Variants in SYNE1 observed in about 807,000 individuals in gnomAD.
The protein encoded by SYNE1 is spectrin repeat containing nuclear envelope protein 1.
In SYNE1, 616 loss-of-function variants were observed where a neutral mutation model predicts 1,111.0. The observed-to-expected ratio is 0.55, with a 90% CI of 0.52 to 0.59. SYNE1 has a LOEUF of 0.59. Among genes scored for constraint, SYNE1 ranks in the 20% least tolerant of loss-of-function variants. The pLI, the probability that SYNE1 is intolerant of heterozygous loss-of-function variation, is 0.00. For synonymous variants in SYNE1, 3,855 were observed against 3,825.8 expected, an observed-to-expected ratio of 1.01 and a Z score of -0.28; for missense variants, 10,006 against 10,417.0, an observed-to-expected ratio of 0.96 and a Z score of 1.72.
chr6:152,411,080 T>G (rs2098028032), intron 42 of SYNE1, among the ~76,000 whole-genome samples: 1 of 152,226 alleles, frequency 6.6e-6, no homozygotes, highest in Admixed American at 6.5e-5. Context: ...GTTTAATAGG[T>G]CTTTGTACAT....
chr6:152,625,396 T>A (rs1744369), intron 3 of SYNE1, among the ~76,000 whole-genome samples: 102,524 of 151,774 alleles, frequency 0.68, 34,705 homozygotes, highest in Non-Finnish European at 0.7. Flanking sequence ...ATTTGTGAAG[T>A]CACACTCGCC....
intron 91 of SYNE1, among the ~76,000 whole-genome samples, chr6:152,307,833 C>CTTGTTTGT (rs78506348): frequency 4.6e-5 from 7 of 151,558 alleles, no homozygotes; most frequent in South Asian, 4.2e-4. Context: ...AATATTAAGT[C>CTTGTTTGT]TTGTTTGTTT....
chr6:152,417,991 C>A (rs542347644), intron 40 of SYNE1, among the ~76,000 whole-genome samples: 1 of 152,194 alleles, frequency 6.6e-6, no homozygotes, highest in African/African-American at 2.4e-5. Flanking sequence ...TGTTTAAAAT[C>A]TAGCAGAAAA....
At chr6:152,271,583 T>G (rs1312903178) in intron 98 of SYNE1, among the ~76,000 whole-genome samples, 1 of 152,200 alleles carries the variant, frequency 6.6e-6, no homozygotes, top group Non-Finnish European at 1.5e-5. Context: ...AGATGGGAAG[T>G]TTGGGTGGAT....
Position 152,149,504 on chromosome 6 carries a change from T to G in SYNE1, c.24615A>C (p.Arg8205Ser). The part of the protein sequence containing the change: ...YCQEVFGRVE[R>S]YHKKLIRLPL... ...GCAGGCGGATCAGTTTCTTATGGTA[T>G]CTTTCCACACGCCCGAAGACCTCCT... Residue 8205 changes from arginine (R) to serine (S), a missense_variant, in exon 136 of 146, where the codon AGA (arginine) becomes AGC (serine). Arg to Ser is a moderately radical substitution (Grantham distance 110). Coordinates refer to ENST00000367255, the MANE Select transcript of SYNE1 (RefSeq NM_182961.4). The G allele has an allele frequency of 1.2e-6, 2 of 1,614,198 alleles. No individual in the cohort carries two copies. Among genetic ancestry groups the G allele is most frequent in the Non-Finnish European group, 1.7e-6 (2 of 1,180,042 alleles).
intron 81 of SYNE1, among the ~76,000 whole-genome samples, chr6:152,324,629 A>G (rs1056055274): frequency 6.6e-6 from 1 of 151,604 alleles, no homozygotes; most frequent in Non-Finnish European, 1.5e-5. Context: ...CTCGTCTCTA[A>G]TAAAAATACA....
intron 2 of SYNE1, among the ~76,000 whole-genome samples, chr6:152,629,549 A>AGGGGGGGGGG (rs1565300223): frequency 7.5e-5 from 1 of 13,330 alleles, no homozygotes. Flanking sequence ...GGGGGAGGGG[A>AGGGGGGGGGG]GGAGGGGGTG....
At chr6:152,182,684 C>T (rs980105101) in intron 128 of SYNE1, among the ~76,000 whole-genome samples, 2 of 152,098 alleles carry the variant, frequency 1.3e-5, no homozygotes, top group African/African-American at 4.8e-5. Context: ...AGACAGATAA[C>T]ACAAAACTAA....
chr6:152,350,520 C>T (rs1184115053), intron 71 of SYNE1, 98 bp downstream of exon 71: 3 of 1,548,514 alleles, frequency 1.9e-6, no homozygotes, highest in Admixed American at 1.7e-5. Flanking sequence ...AAAATACTAA[C>T]CCGTACCAGG....
At chr6:152,257,316 T>C (rs1022520134) in intron 101 of SYNE1, among the ~76,000 whole-genome samples, 2 of 152,200 alleles carry the variant, frequency 1.3e-5, no homozygotes, top group Admixed American at 6.5e-5. Flanking sequence ...GCAGATCATT[T>C]GAGGCCAGGA....
rs749543411 is a variant in SYNE1 at position 152,133,461 on chromosome 6, G to A, written c.25816C>T (p.Gln8606Ter). Reference protein sequence around the residue: ...MQIKHELLESQLRVASLQDMS... With the variant: ...MQIKHELLES ...TCTTGCAAAGAGGCTACTCTGAGTTGGGATTCCAACAGCTCATGCTTTATT... is the reference window on the plus strand; with the variant it reads ...TCTTGCAAAGAGGCTACTCTGAGTTAGGATTCCAACAGCTCATGCTTTATT... The change falls in exon 143 of 146, where the codon CAA becomes TAA. Residue 8606 changes from glutamine to a stop codon, truncating the protein, a stop_gained. Transcript: ENST00000367255. LOFTEE classifies it high-confidence loss of function. 1.2e-6 allele frequency: 2 copies of A among 1,614,162 alleles called. No individual in the cohort carries two copies. Among genetic ancestry groups the A allele is most frequent in the Admixed American group, 1.7e-5 (1 of 60,030 alleles).
chr6:152,307,447 T>C (rs2153829778), intron 91 of SYNE1, among the ~76,000 whole-genome samples: 1 of 152,292 alleles, frequency 6.6e-6, no homozygotes, highest in Middle Eastern at 3.4e-3. Context: ...GAAGGATATA[T>C]TCCATATACT....
chr6:152,628,693 T>C (rs1291691282), intron 2 of SYNE1, 139 bp from the exon 3 acceptor site: 5 of 241,814 alleles, frequency 2.1e-5, no homozygotes, highest in South Asian at 7.3e-5. Context: ...AAAGCACTTA[T>C]AAACTACAAA....
chr6:152,335,442 T>G (rs2096363445), intron 76 of SYNE1: 1 of 152,208 alleles, frequency 6.6e-6, no homozygotes, highest in Non-Finnish European at 1.5e-5. Context: ...AAAACTTTTC[T>G]TATAAAATAC....
intron 32 of SYNE1, among the ~76,000 whole-genome samples, chr6:152,439,144 T>A (rs868584359): frequency 1.1e-4 from 17 of 152,212 alleles, no homozygotes; most frequent in African/African-American, 3.6e-4. Flanking sequence ...AAATGTCACC[T>A]CATATTATTA....
Position 152,373,071 on chromosome 6 carries a change from T to C in SYNE1, c.9473A>G (p.His3158Arg). The change falls in exon 59 of 146, where the codon CAT becomes CGT. Residue 3158 changes from histidine (H) to arginine (R), a missense_variant. By Grantham distance (29) the His-to-Arg change is conservative. Coordinates refer to ENST00000367255, the MANE Select transcript of SYNE1 (RefSeq NM_182961.4). ...AGATTCTTTTTGGTGGAGATTTGAA[T>C]GAAAATTTTTCCAATCTTCTTTTGC... Reference protein sequence around the residue: ...TAAKEDWKNFHSNLHQKESAL... With the variant: ...TAAKEDWKNFRSNLHQKESAL... 6.2e-7 allele frequency: 1 copy of C among 1,614,186 alleles called. No individual in the cohort carries two copies. Among genetic ancestry groups the C allele is most frequent in the Non-Finnish European group, 8.5e-7 (1 of 1,180,022 alleles).
rs575386895 is a variant in SYNE1 at position 152,520,514 on chromosome 6, C to T, written c.254G>A (p.Arg85Gln). Reference sequence around the variant, plus strand: ...GCCAATGTTAGCCACAGCATGGATTCGCTTCATCCGGCGTCCTTGTTCACA... The same window carrying T: ...GCCAATGTTAGCCACAGCATGGATTTGCTTCATCCGGCGTCCTTGTTCACA... ...LPCEQGRRMK[R>Q]IHAVANIGTA... The change falls in exon 6 of 146, where the codon CGA (arginine) becomes CAA (glutamine). Residue 85 changes from arginine to glutamine, a missense_variant. Around this residue, in one of 7 missense-constraint regions of SYNE1, gnomAD observed 1,971 missense variants for 2,084.1 expected, o/e 0.95. Transcript: ENST00000367255. The T allele has an allele frequency of 3.0e-5, 48 of 1,613,544 alleles. No individual in the cohort carries two copies. The highest frequency in any genetic ancestry group is 2.1e-4 in the African/African-American group (16 of 74,958).
chr6:152,246,246 T>C (rs1368811930), intron 105 of SYNE1, among the ~76,000 whole-genome samples: 1 of 152,064 alleles, frequency 6.6e-6, no homozygotes, highest in African/African-American at 2.4e-5. Flanking sequence ...TCAATATGCC[T>C]TTCGATGACA....
At chr6:152,395,737 C>T in intron 50 of SYNE1, 66 bp from the exon 51 acceptor site, 1 of 1,555,708 alleles carries the variant, frequency 6.4e-7, no homozygotes, top group Non-Finnish European at 8.9e-7. Flanking sequence ...CTTTTAATAG[C>T]TGAGGTCACA....
Sources: allele counts gnomAD v4.1 joint callset (sites outside exome capture counted in the v4.1 genomes callset), GRCh38; gene constraint gnomAD v4.1.1; regional missense constraint gnomAD v4.1.1; transcripts MANE v1.5; gene names NCBI Gene and HGNC (gene_info 2026-07-23, HGNC 2026-07-21).